NTM: variants seen among roughly 807,000 people sequenced by gnomAD.
NTM encodes the protein neurotrimin, also known as IgLON family member 2.
Under a neutral mutation model 42.1 loss-of-function variants are expected in NTM, and 13 were observed. The ratio of observed to expected loss-of-function variants is 0.31; its 90% confidence interval spans 0.20 to 0.49. NTM has a LOEUF of 0.49. NTM is among the 20% of genes least tolerant of loss of function. The pLI, the probability that NTM is intolerant of heterozygous loss-of-function variation, is 0.99. For missense variants in NTM, 373 were observed against 452.8 expected (o/e 0.82, Z 1.60); for synonymous variants, 187 against 179.2 (o/e 1.04, Z -0.35).
chr11:131,521,480 C>T (rs2049714545), intron 1 of NTM, among the ~76,000 whole-genome samples: 1 of 130,096 alleles, frequency 7.7e-6, no homozygotes, highest in South Asian at 2.8e-4. Flanking sequence ...GCAATCTCGG[C>T]TCACTGCAAG....
intron 1 of NTM, among the ~76,000 whole-genome samples, chr11:131,379,014 A>G (rs930072215): frequency 6.6e-6 from 1 of 152,160 alleles, no homozygotes; most frequent in South Asian, 2.1e-4. Context: ...TTTCTGATGG[A>G]GTCAGCAGAT....
intron 2 of NTM, among the ~76,000 whole-genome samples, chr11:132,096,671 G>A (rs76838361): frequency 0.01 from 1,543 of 152,302 alleles, 27 homozygotes; most frequent in African/African-American, 0.034. Flanking sequence ...ATCAGGCTCC[G>A]CTCGGCCAGC....
intron 1 of NTM, among the ~76,000 whole-genome samples, chr11:131,766,687 C>A (rs972028976): frequency 1.3e-5 from 2 of 152,106 alleles, no homozygotes; most frequent in African/African-American, 4.8e-5. Context: ...TTTATTGAAG[C>A]ATTTTCCTTC....
At chr11:131,600,203 G>C (rs979542454) in intron 1 of NTM, among the ~76,000 whole-genome samples, 1 of 152,158 alleles carries the variant, frequency 6.6e-6, no homozygotes. Context: ...GAGACACCTT[G>C]CTGTTTAATA....
intron 4 of NTM, among the ~76,000 whole-genome samples, chr11:132,293,075 C>G (rs923695436): frequency 6.6e-6 from 1 of 151,676 alleles, no homozygotes. Flanking sequence ...TACTTCTGGA[C>G]GAGGAGGTCA....
intron 1 of NTM, among the ~76,000 whole-genome samples, chr11:131,644,616 C>T (rs2065547493): frequency 6.6e-6 from 1 of 152,158 alleles, no homozygotes; most frequent in African/African-American, 2.4e-5. Flanking sequence ...GAAATCCTTT[C>T]ATATTTGGAT....
intron 1 of NTM, among the ~76,000 whole-genome samples, chr11:131,497,314 G>C (rs542665995): frequency 1.3e-5 from 2 of 152,178 alleles, no homozygotes; most frequent in East Asian, 3.9e-4. Context: ...TCAGCCTCCC[G>C]AGTAGCTGGG....
intron 1 of NTM, among the ~76,000 whole-genome samples, chr11:131,860,847 G>A (rs1391421215): frequency 6.6e-6 from 1 of 152,148 alleles, no homozygotes; most frequent in Non-Finnish European, 1.5e-5. Context: ...TTATCTCCCT[G>A]TCTCTTGCTG....
chr11:132,120,080 C>T (rs764360640), intron 2 of NTM, among the ~76,000 whole-genome samples: 36 of 152,108 alleles, frequency 2.4e-4, no homozygotes, highest in Non-Finnish European at 4.1e-4. Flanking sequence ...CCCCCGCTTG[C>T]CTTCCCTCCC....
intron 1 of NTM, among the ~76,000 whole-genome samples, chr11:131,529,731 G>A (rs2050982592): frequency 6.6e-6 from 1 of 152,170 alleles, no homozygotes; most frequent in Admixed American, 6.5e-5. Flanking sequence ...AAAAGCCTGG[G>A]CCTGGAGTGA....
Position 131,993,845 on chromosome 11 carries a change from T to C in NTM, c.167+82197T>C, listed in dbSNP as rs1347487486. The stretch of plus-strand genomic sequence containing the variant: ...GTAGAAACCCCATCTCTACTAAAAA[T>C]ACAAAAAATTAGCTGGGTGCGGTGG... On this transcript the variant is annotated intron_variant, in intron 2 of 8. Transcript: ENST00000683400. Among the ~76,000 whole-genome samples the C allele has an allele frequency of 2.0e-5, 3 of 151,476 alleles. No individual in the cohort carries two copies. In the East Asian group the frequency reaches 5.8e-4, roughly 29 times the overall value.
chr11:132,215,020 A>G (rs369503661), intron 4 of NTM, among the ~76,000 whole-genome samples: 55 of 152,198 alleles, frequency 3.6e-4, no homozygotes, highest in African/African-American at 1.3e-3. Flanking sequence ...CTGCTGCCCA[A>G]TATGAACTGA....
intron 4 of NTM, among the ~76,000 whole-genome samples, chr11:132,219,147 C>G (rs1174083447): frequency 6.6e-6 from 1 of 152,132 alleles, no homozygotes; most frequent in Non-Finnish European, 1.5e-5. Flanking sequence ...TTCCATCCCC[C>G]CTACTTCTTT....
chr11:131,737,048 A>G (rs1423351962), intron 1 of NTM, among the ~76,000 whole-genome samples: 1 of 152,132 alleles, frequency 6.6e-6, no homozygotes, highest in Non-Finnish European at 1.5e-5. Context: ...GGTGCTGTAC[A>G]TTTATTTAGC....
chr11:131,765,081 G>A (rs571032729), intron 1 of NTM, among the ~76,000 whole-genome samples: 1 of 152,242 alleles, frequency 6.6e-6, no homozygotes, highest in African/African-American at 2.4e-5. Context: ...CTCCCTGCAG[G>A]CGCACATCCT....
chr11:132,322,329 G>A (rs2095588360), intron 7 of NTM, among the ~76,000 whole-genome samples: 1 of 151,402 alleles, frequency 6.6e-6, no homozygotes, highest in Admixed American at 6.6e-5. Flanking sequence ...AAAGGATGGA[G>A]GAAGATCTAC....
chr11:131,546,960 C>T (rs576372205), intron 1 of NTM, among the ~76,000 whole-genome samples: 4 of 152,286 alleles, frequency 2.6e-5, no homozygotes, highest in South Asian at 2.1e-4. Context: ...AGTTCCTTCC[C>T]TCCCTTTCCA....
At chr11:132,080,202 C>T (rs2058859832) in intron 2 of NTM, among the ~76,000 whole-genome samples, 1 of 151,392 alleles carries the variant, frequency 6.6e-6, no homozygotes, top group Non-Finnish European at 1.5e-5. Context: ...AAAAAAAAAT[C>T]AATGCCCCCT....
intron 1 of NTM, among the ~76,000 whole-genome samples, chr11:131,393,196 C>T (rs1256276734): frequency 1.6e-4 from 24 of 152,172 alleles, no homozygotes; most frequent in Admixed American, 1.6e-3. Flanking sequence ...GGACCCTGCT[C>T]TCAATTGTCC....
Sources: gnomAD v4.1 joint callset for allele counts (sites outside exome capture counted in the v4.1 genomes callset) on GRCh38, gnomAD v4.1.1 for gene constraint, MANE v1.5 for transcripts, NCBI Gene and HGNC (gene_info 2026-07-23, HGNC 2026-07-21) for gene names.